The following WNT3 variants were observed in gnomAD, a reference collection of about 807,000 sequenced individuals.
The protein encoded by WNT3 is proto-oncogene Wnt-3.
WNT3 carries 7 observed loss-of-function variants against 34.2 expected under a neutral mutation model. The observed-to-expected ratio is 0.20, with a 90% CI of 0.12 to 0.38. The LOEUF is 0.38. Among genes scored for constraint, WNT3 ranks in the 10% least tolerant of loss-of-function variants. The pLI is 1.00. For synonymous variants in WNT3, 212 were observed against 211.5 expected (o/e 1.00, Z -0.02); for missense variants, 267 against 499.8 (o/e 0.53, Z 4.44).
intron 1 of WNT3, among the ~76,000 whole-genome samples, chr17:46,779,053 T>TCACTCACACACACACA (rs1555683627): frequency 4.0e-5 from 4 of 100,612 alleles, no homozygotes; most frequent in Admixed American, 1.2e-4. Flanking sequence ...CCCTACCCCA[T>TCACTCACACACACACA]CACACACACA....
At chr17:46,787,904 C>T (rs538376638) in intron 1 of WNT3, among the ~76,000 whole-genome samples, 90 of 150,062 alleles carry the variant, frequency 6.0e-4, no homozygotes, top group Middle Eastern at 6.9e-3. Flanking sequence ...TTCAGTGAGC[C>T]GAGATTGTGC....
At chr17:46,793,000 C>T (rs944142103) in intron 1 of WNT3, among the ~76,000 whole-genome samples, 2 of 151,658 alleles carry the variant, frequency 1.3e-5, no homozygotes, top group Non-Finnish European at 2.9e-5. Flanking sequence ...GGAGGTGGCT[C>T]ACACCTGTAA....
chr17:46,792,812 CCTGA>C (rs2084003714), intron 1 of WNT3, among the ~76,000 whole-genome samples: 1 of 152,154 alleles, frequency 6.6e-6, no homozygotes, highest in African/African-American at 2.4e-5. Flanking sequence ...TTTATTGAGG[CCTGA>C]CTATGTGCCA....
intron 1 of WNT3, among the ~76,000 whole-genome samples, chr17:46,779,552 G>A (rs1261374428): frequency 6.6e-6 from 1 of 152,214 alleles, no homozygotes. Flanking sequence ...TGGGCTGCGG[G>A]TGCCCTGCAC....
At chr17:46,766,556 C>T (rs1367058256) in intron 4 of WNT3, among the ~76,000 whole-genome samples, 2 of 152,148 alleles carry the variant, frequency 1.3e-5, no homozygotes, top group Admixed American at 1.3e-4. Flanking sequence ...TGCTTTTGTT[C>T]AGATACCGAC....
In WNT3 at chr17:46,818,554, C is replaced by T. The variant is rs1411800344; in HGVS notation, c.44G>A (p.Gly15Asp). The part of the protein sequence containing the change: ...LLGLLLGLLL[G>D]GTRVLAGYPI... ...GTAGCCAGCGAGGACCCTGGTGCCACCGAGCAGGAGGCCGAGGAGCAGCCC... is the reference window on the plus strand; with the variant it reads ...GTAGCCAGCGAGGACCCTGGTGCCATCGAGCAGGAGGCCGAGGAGCAGCCC... The change falls in exon 1 of 5, where the codon GGT becomes GAT. Residue 15 changes from glycine to aspartate, a missense_variant. Physicochemically the swap from Gly to Asp is moderately conservative, Grantham distance 94. Transcript: ENST00000225512. 1 of 1,609,116 alleles carries T rather than the reference C, an allele frequency of 6.2e-7. No individual in the cohort carries two copies. Among genetic ancestry groups the T allele is most frequent in the Admixed American group, 1.7e-5 (1 of 59,652 alleles).
chr17:46,812,336 A>AT (rs1360718017), intron 1 of WNT3, among the ~76,000 whole-genome samples: 2 of 150,314 alleles, frequency 1.3e-5, no homozygotes, highest in Non-Finnish European at 3.0e-5. Context: ...CCACCCCCCT[A>AT]CCCCCGCCCC....
At chr17:46,781,296 G>C (rs1434975082) in intron 1 of WNT3, among the ~76,000 whole-genome samples, 1 of 151,346 alleles carries the variant, frequency 6.6e-6, no homozygotes, top group African/African-American at 2.4e-5. Context: ...GAGGAAACTT[G>C]AAAACAAGCT....
At chr17:46,788,837 A>C (rs1301093633) in intron 1 of WNT3, among the ~76,000 whole-genome samples, 1 of 152,088 alleles carries the variant, frequency 6.6e-6, no homozygotes, top group Non-Finnish European at 1.5e-5. Flanking sequence ...CAGATCCCAC[A>C]GGCTGTCTCC....
intron 4 of WNT3, among the ~76,000 whole-genome samples, chr17:46,767,425 C>G (rs2059323229): frequency 6.6e-6 from 1 of 152,184 alleles, no homozygotes; most frequent in Non-Finnish European, 1.5e-5. Flanking sequence ...ACGATTTATG[C>G]TTGTGCAGGA....
chr17:46,768,584 T>C lies in WNT3; in HGVS notation c.804A>G (p.Pro268=). 6.2e-7 allele frequency: 1 copy of C among 1,614,160 alleles called. No individual in the cohort carries two copies. Among genetic ancestry groups the C allele is most frequent in the South Asian group, 1.1e-5 (1 of 91,084 alleles). Residue 268 remains proline (P), a synonymous_variant, in exon 4 of 5, where the codon CCA becomes CCG. Transcript: ENST00000225512. The surrounding 1 kb of genome is among the most constrained non-coding windows in gnomAD (Gnocchi z 5.0). ...AGTAGACCAGGTCCCTCTCCGTGGG[T>C]GGCTTGAAGAGCGAGTACTTGGCCC... ...TLRAKYSLFK[P]PTERDLVYYE... is the part of the protein sequence containing the mutation.
At chr17:46,771,699 G>C (rs1314019818) in intron 2 of WNT3, among the ~76,000 whole-genome samples, 1 of 143,202 alleles carries the variant, frequency 7.0e-6, no homozygotes, top group Non-Finnish European at 1.6e-5. Context: ...CCCGCGGCCG[G>C]GCCGCGCCCC....
intron 4 of WNT3, among the ~76,000 whole-genome samples, chr17:46,766,902 G>A (rs1202804105): frequency 1.3e-5 from 2 of 152,166 alleles, no homozygotes; most frequent in Admixed American, 1.3e-4. Flanking sequence ...TGTCCTCGGT[G>A]TCCTTTCATT....
At chr17:46,779,468 G>A (rs1276040783) in intron 1 of WNT3, among the ~76,000 whole-genome samples, 1 of 152,142 alleles carries the variant, frequency 6.6e-6, no homozygotes, top group Non-Finnish European at 1.5e-5. Flanking sequence ...CCCTCCTCCT[G>A]AAGCCGGCTC....
At chr17:46,782,971 G>A (rs1379427659) in intron 1 of WNT3, among the ~76,000 whole-genome samples, 1 of 152,218 alleles carries the variant, frequency 6.6e-6, no homozygotes, top group Non-Finnish European at 1.5e-5. Flanking sequence ...GTGTCCTGTG[G>A]CTGTGGGAGA....
chr17:46,802,782 G>T (rs1295973229), intron 1 of WNT3, among the ~76,000 whole-genome samples: 1 of 152,208 alleles, frequency 6.6e-6, no homozygotes, highest in East Asian at 1.9e-4. Context: ...CCTGGGAAGG[G>T]CGTGGAAGCT....
intron 2 of WNT3, among the ~76,000 whole-genome samples, chr17:46,770,319 AG>A (rs570196108): frequency 3.2e-4 from 49 of 152,352 alleles, no homozygotes; most frequent in Middle Eastern, 3.4e-3. Context: ...AGTGCCTGTT[AG>A]AAACAGGCGC....
intron 1 of WNT3, among the ~76,000 whole-genome samples, chr17:46,778,924 A>G (rs1213075706): frequency 6.6e-6 from 1 of 152,052 alleles, no homozygotes; most frequent in Non-Finnish European, 1.5e-5. Flanking sequence ...CCTGTACCTA[A>G]TTCAAACCTT....
At chr17:46,773,391 C>T (rs1051485344) in intron 2 of WNT3, among the ~76,000 whole-genome samples, 1 of 152,098 alleles carries the variant, frequency 6.6e-6, no homozygotes, top group East Asian at 1.9e-4. Context: ...CAAATGTCCA[C>T]AGCAGGAGCC....
Sources: gnomAD v4.1 joint callset for allele counts (sites outside exome capture counted in the v4.1 genomes callset) on GRCh38, gnomAD v4.1.1 for gene constraint, Gnocchi (gnomAD v3.1) non-coding constraint, MANE v1.5 for transcripts, NCBI Gene and HGNC (gene_info 2026-07-23, HGNC 2026-07-21) for gene names.